Variants in DRC7 observed in about 807,000 individuals in gnomAD.
The protein encoded by DRC7 is coiled-coil domain containing 135.
In DRC7, 80 loss-of-function variants were observed where a neutral mutation model predicts 104.4. The observed-to-expected ratio is 0.77, with a 90% confidence interval of 0.64 to 0.92. DRC7 has a LOEUF of 0.92. DRC7 is among the 40% of genes least tolerant of loss of function. DRC7 has a pLI of 0.00. For missense variants in DRC7, 1,034 were observed against 1,141.1 expected, an observed-to-expected ratio of 0.91 and a Z score of 1.35; for synonymous variants, 405 against 447.3, an observed-to-expected ratio of 0.91 and a Z score of 1.19.
intron 14 of DRC7, 51 bp from the exon 15 acceptor site, chr16:57,726,781 T>C: frequency 1.7e-6 from 2 of 1,211,122 alleles, no homozygotes; most frequent in Non-Finnish European, 1.2e-6. Flanking sequence ...GGTGGTCCTA[T>C]GCCCCGATCA....
intron 7 of DRC7, among the ~76,000 whole-genome samples, chr16:57,705,650 TCCTC>T (rs2048708298): frequency 8.2e-6 from 1 of 122,514 alleles, no homozygotes. Context: ...CTCCCACCCA[TCCTC>T]CCATCCATCC....
In DRC7 at chr16:57,722,846, G is replaced by T. The variant is rs1412020611; in HGVS notation, c.1408+5G>T. The T allele has an allele frequency of 6.2e-7, 1 of 1,613,720 alleles. No homozygotes were observed. The highest frequency in any genetic ancestry group is 2.2e-5 in the East Asian group (1 of 44,878). ...CCACCTATGAGGACTTGCAGTGTAA[G>T]GGGGATTGCTCTGGACATGGGTCCA... On this transcript the variant is annotated splice_donor_5th_base_variant and intron_variant, in intron 11 of 18. Transcript: ENST00000360716.
intron 5 of DRC7, 100 bp downstream of exon 5, chr16:57,700,370 C>CAGA: frequency 6.9e-7 from 1 of 1,444,750 alleles, no homozygotes. Flanking sequence ...ACTTAGAGGC[C>CAGA]GGGCGTGGTA....
At chr16:57,702,681 G>T (rs965743894) in intron 6 of DRC7, among the ~76,000 whole-genome samples, 2 of 152,072 alleles carry the variant, frequency 1.3e-5, no homozygotes, top group Non-Finnish European at 2.9e-5. Context: ...TGTGCCTGTA[G>T]TCCCAGTTAC....
intron 7 of DRC7, 133 bp from the exon 8 acceptor site, chr16:57,707,327 C>A: frequency 2.7e-6 from 2 of 745,924 alleles, no homozygotes; most frequent in Non-Finnish European, 4.3e-6. Flanking sequence ...TGGGCCGTCA[C>A]ACTCCGGTTG....
Position 57,723,008 on chromosome 16 carries a change from A to G in DRC7, c.1415A>G (p.Asn472Ser), listed in dbSNP as rs1202999316. The G allele has an allele frequency of 1.9e-5, 31 of 1,613,750 alleles. No homozygotes were observed. The highest frequency in any genetic ancestry group is 2.4e-5 in the Non-Finnish European group (28 of 1,180,006). Residue 472 changes from asparagine (N) to serine (S), a missense_variant, in exon 12 of 19, where the codon AAT becomes AGT. Transcript: ENST00000360716. ...GTGTCCATCGGCCCCACAGGTACCA[A>G]TATTTTGGAGATAAAGGAGTGGTAC... ...LTTYEDLQCT[N>S]ILEIKEWYQN... is the part of the protein sequence containing the mutation.
intron 8 of DRC7, chr16:57,715,001 C>T: frequency 3.5e-6 from 1 of 282,742 alleles, no homozygotes; most frequent in Non-Finnish European, 7.0e-6. Context: ...CCCAGATGCA[C>T]CAAATTATGG....
chr16:57,728,634 C>G (rs2049002927), intron 17 of DRC7, 50 bp downstream of exon 17: 2 of 1,460,788 alleles, frequency 1.4e-6, no homozygotes, highest in African/African-American at 2.8e-5. Context: ...CATCTGCATC[C>G]AGGAAATGGG....
chr16:57,731,571 C>T lies in DRC7; in HGVS notation c.*313C>T. 1 of 400,402 alleles carries T rather than the reference C, an allele frequency of 2.5e-6. No individual in the cohort carries two copies. Among genetic ancestry groups the T allele is most frequent in the Admixed American group, 4.2e-5 (1 of 23,798 alleles). 24.8% of individuals were successfully genotyped at this position (400,402 alleles called of 1,614,324 possible). A position where few individuals can be genotyped will look rare whatever the true frequency, so the allele number is the denominator to read the frequency against. The stretch of plus-strand genomic sequence containing the variant: ...TGTCGTTTGCTTCCTGTCCTTCTCT[C>T]CGTTGGAATGTCAGGTCTTCACAGC... On this transcript the variant is annotated 3_prime_UTR_variant, in exon 19 of 19. Transcript: ENST00000360716.
chr16:57,711,859 G>A (rs1234338093), intron 8 of DRC7, among the ~76,000 whole-genome samples: 1 of 152,166 alleles, frequency 6.6e-6, no homozygotes, highest in Non-Finnish European at 1.5e-5. Flanking sequence ...GTTCCTGGGT[G>A]GGGCTCACAA....
In DRC7 at chr16:57,726,085, C is replaced by T. The variant is rs1226143958; in HGVS notation, c.1776C>T (p.Phe592=). The change falls in exon 14 of 19, where the codon TTC becomes TTT. Residue 592 remains phenylalanine (F), a synonymous_variant. Coordinates refer to ENST00000360716, the MANE Select transcript of DRC7 (RefSeq NM_001289162.2). ...PRPIVKITER[F]FRNPAKPAEE... is the part of the protein sequence containing the mutation. ...CCTCCCAGAAAATCACAGAGCGGTT[C>T]TTCCGCAACCCAGCGAAGCCCGCGG... 6.2e-7 allele frequency: 1 copy of T among 1,613,288 alleles called. No individual in the cohort carries two copies. Among genetic ancestry groups the T allele is most frequent in the Non-Finnish European group, 8.5e-7 (1 of 1,179,920 alleles).
intron 8 of DRC7, among the ~76,000 whole-genome samples, chr16:57,710,020 CA>C (rs2148748777): frequency 6.6e-6 from 1 of 152,242 alleles, no homozygotes; most frequent in East Asian, 1.9e-4. Context: ...CCTTGGCCTC[CA>C]AAAGTGCTGG....
chr16:57,720,433 C>T (rs1377155509), intron 9 of DRC7, among the ~76,000 whole-genome samples: 4 of 152,220 alleles, frequency 2.6e-5, no homozygotes, highest in Non-Finnish European at 4.4e-5. Flanking sequence ...TAAATCCAGG[C>T]ATAGGTGCCC....
chr16:57,700,656 C>CAA (rs59120133), intron 5 of DRC7, among the ~76,000 whole-genome samples: 28,276 of 88,192 alleles, frequency 0.32, 4,112 homozygotes, highest in African/African-American at 0.42. Context: ...AAAACTCTCT[C>CAA]AAAAAAAAAA....
intron 15 of DRC7, 111 bp downstream of exon 15, chr16:57,727,053 C>T (rs1486146186): frequency 1.1e-5 from 8 of 731,486 alleles, no homozygotes; most frequent in East Asian, 8.1e-5. Flanking sequence ...CTCTACATCC[C>T]GGGCTCAGGT....
At chr16:57,712,624 TTTC>T (rs2048800832) in intron 8 of DRC7, among the ~76,000 whole-genome samples, 1 of 152,220 alleles carries the variant, frequency 6.6e-6, no homozygotes, top group Non-Finnish European at 1.5e-5. Context: ...TTTTTTCTAG[TTTC>T]TTAAGGTGGA....
At chr16:57,697,258 C>T (rs2048603268) in intron 2 of DRC7, among the ~76,000 whole-genome samples, 1 of 152,018 alleles carries the variant, frequency 6.6e-6, no homozygotes, top group Non-Finnish European at 1.5e-5. Context: ...ATAGTAATCC[C>T]CACAGCATTC....
At position 57,731,573 on chromosome 16, in the gene DRC7, G is replaced by A. The variant is rs116088338; in HGVS notation, c.*315G>A. ...TCGTTTGCTTCCTGTCCTTCTCTCC[G>A]TTGGAATGTCAGGTCTTCACAGCAC... On this transcript the variant is annotated 3_prime_UTR_variant, in exon 19 of 19. Coordinates refer to ENST00000360716, the MANE Select transcript of DRC7 (RefSeq NM_001289162.2). The A allele has an allele frequency of 1.4e-3, 570 of 393,430 alleles. 3 individuals are homozygous for A. Among genetic ancestry groups the A allele is most frequent in the African/African-American group, 0.01 (494 of 48,604 alleles). 24.4% of individuals were successfully genotyped at this position (393,430 alleles called of 1,614,324 possible).
chr16:57,697,866 G>A (rs543494360), intron 2 of DRC7, 47 bp from the exon 3 acceptor site: 4 of 1,541,170 alleles, frequency 2.6e-6, no homozygotes, highest in Non-Finnish European at 3.5e-6. Context: ...GGTGGCTCCT[G>A]CCTGGGCTGA....
Sources: allele counts gnomAD v4.1 joint callset (sites outside exome capture counted in the v4.1 genomes callset), GRCh38; gene constraint gnomAD v4.1.1; transcripts MANE v1.5; gene names NCBI Gene and HGNC (gene_info 2026-07-23, HGNC 2026-07-21).